NAALADL2: variants seen among roughly 807,000 people sequenced by gnomAD.
NAALADL2 encodes the protein inactive N-acetylated-alpha-linked acidic dipeptidase-like protein 2.
In NAALADL2, 76 loss-of-function variants were observed where a neutral mutation model predicts 87.2. That is an observed-to-expected ratio of 0.87 (90% CI 0.72 to 1.05). The LOEUF is 1.05. Ranked by LOEUF, NAALADL2 falls within the 50% of genes least tolerant of loss-of-function variation. The pLI is 0.00. For synonymous variants in NAALADL2, 354 were observed against 331.0 expected, an observed-to-expected ratio of 1.07 and a Z score of -0.75; for missense variants, 1,089 against 945.8, an observed-to-expected ratio of 1.15 and a Z score of -1.99.
At chr3:174,769,453 TTAAG>T (rs1243463860) in intron 3 of NAALADL2, among the ~76,000 whole-genome samples, 1 of 151,996 alleles carries the variant, frequency 6.6e-6, no homozygotes, top group Non-Finnish European at 1.5e-5. Context: ...AAATATGTAT[TTAAG>T]TAATTATTAG....
intron 4 of NAALADL2, among the ~76,000 whole-genome samples, chr3:175,319,799 G>A (rs547938403): frequency 5.9e-5 from 9 of 152,252 alleles, no homozygotes; most frequent in East Asian, 3.9e-4. Context: ...CAGCCTGGGC[G>A]ACAGAGCGAG....
chr3:174,517,135 G>A lies in NAALADL2; in HGVS notation c.-183-33434G>A, dbSNP rs73882411. ...GGTTGTGATGTGAAGATTATTTTTT[G>A]TTTTATTTTCTATAAGAGAAAATTA... On this transcript the variant is annotated intron_variant, in intron 1 of 3. Coordinates refer to the NAALADL2 transcript ENST00000434257. Among the ~76,000 whole-genome samples the A allele has an allele frequency of 8.5e-3, 1,287 of 151,850 alleles. 19 individuals carry two copies. The highest frequency in any genetic ancestry group is 0.03 in the African/African-American group (1,237 of 41,484).
chr3:175,133,546 C>G (rs541358516), intron 2 of NAALADL2, among the ~76,000 whole-genome samples: 2 of 152,306 alleles, frequency 1.3e-5, no homozygotes, highest in East Asian at 3.9e-4. Context: ...ACAGCGAAAC[C>G]CCGTCTCCAC....
intron 2 of NAALADL2, among the ~76,000 whole-genome samples, chr3:175,214,263 C>T (rs1226441050): frequency 6.6e-6 from 1 of 152,072 alleles, no homozygotes; most frequent in Non-Finnish European, 1.5e-5. Flanking sequence ...AAAATTGACA[C>T]ACTTCTTGGA....
intron 11 of NAALADL2, among the ~76,000 whole-genome samples, chr3:175,697,249 G>A (rs778761234): frequency 4.6e-5 from 7 of 152,068 alleles, no homozygotes; most frequent in South Asian, 2.1e-4. Flanking sequence ...TATAGGAGCA[G>A]TAGAATACTA....
chr3:174,462,028 A>G (rs1269333544), intron 1 of NAALADL2, among the ~76,000 whole-genome samples: 1 of 152,038 alleles, frequency 6.6e-6, no homozygotes, highest in African/African-American at 2.4e-5. Flanking sequence ...TTGTCTTATA[A>G]TAAGATGATT....
At chr3:174,636,377 G>T (rs761386973) in intron 2 of NAALADL2, among the ~76,000 whole-genome samples, 3 of 152,108 alleles carry the variant, frequency 2.0e-5, no homozygotes, top group Non-Finnish European at 4.4e-5. Flanking sequence ...CACAGTGAAA[G>T]AAACAATCTA....
chr3:175,025,876 C>T (rs1752155952), intron 1 of NAALADL2, among the ~76,000 whole-genome samples: 1 of 152,136 alleles, frequency 6.6e-6, no homozygotes, highest in Non-Finnish European at 1.5e-5. Flanking sequence ...GTGGCGTGAT[C>T]TTAGCTCACT....
intron 11 of NAALADL2, among the ~76,000 whole-genome samples, chr3:175,670,406 A>T (rs988525379): frequency 2.1e-5 from 3 of 146,314 alleles, no homozygotes; most frequent in East Asian, 3.9e-4. Flanking sequence ...TATTAAATTT[A>T]CATTAAATGT....
At chr3:175,680,841 A>G (rs1274380033) in intron 11 of NAALADL2, among the ~76,000 whole-genome samples, 1 of 152,196 alleles carries the variant, frequency 6.6e-6, no homozygotes, top group Non-Finnish European at 1.5e-5. Flanking sequence ...AAGGCCGGGC[A>G]CAGTAGCTCA....
intron 5 of NAALADL2, among the ~76,000 whole-genome samples, chr3:175,350,584 G>A (rs1397781037): frequency 6.6e-6 from 1 of 152,102 alleles, no homozygotes. Context: ...TTTGTGTATT[G>A]TACCCACATT....
At chr3:174,460,923 G>T (rs922619692) in intron 1 of NAALADL2, among the ~76,000 whole-genome samples, 1 of 151,744 alleles carries the variant, frequency 6.6e-6, no homozygotes, top group South Asian at 2.1e-4. Flanking sequence ...CTAATTCCTG[G>T]AATTTTTCCC....
chr3:175,255,394 G>A (rs897788682), intron 3 of NAALADL2, among the ~76,000 whole-genome samples: 1 of 152,136 alleles, frequency 6.6e-6, no homozygotes, highest in Non-Finnish European at 1.5e-5. Context: ...AGTTTCAATC[G>A]AGAAGGATGG....
chr3:175,408,844 A>T (rs902639858), intron 5 of NAALADL2, among the ~76,000 whole-genome samples: 9 of 152,128 alleles, frequency 5.9e-5, no homozygotes, highest in African/African-American at 2.2e-4. Context: ...ACATGCTGGA[A>T]TAGGTAGTCA....
At chr3:175,480,601 G>A (rs1375898562) in intron 9 of NAALADL2, among the ~76,000 whole-genome samples, 1 of 151,772 alleles carries the variant, frequency 6.6e-6, no homozygotes, top group Non-Finnish European at 1.5e-5. Context: ...CTAAATGAAA[G>A]GTATTAATTT....
At chr3:175,615,723 G>T (rs58348797) in intron 10 of NAALADL2, among the ~76,000 whole-genome samples, 23,724 of 151,540 alleles carry the variant, frequency 0.16, 2,017 homozygotes, top group Middle Eastern at 0.18. Context: ...CCAGGCGTGT[G>T]GCACGCACCT....
chr3:174,570,011 C>T (rs1197872380), intron 2 of NAALADL2, among the ~76,000 whole-genome samples: 2 of 152,128 alleles, frequency 1.3e-5, no homozygotes, highest in Non-Finnish European at 2.9e-5. Flanking sequence ...CTAGTGCTAT[C>T]TCTTTTTCTT....
intron 1 of NAALADL2, among the ~76,000 whole-genome samples, chr3:174,924,231 G>A (rs1343821699): frequency 2.7e-5 from 3 of 110,736 alleles, no homozygotes; most frequent in Admixed American, 2.7e-4. Context: ...CCCACAACAG[G>A]CCCCGGTGCG....
chr3:175,018,781 A>C (rs565507782), intron 1 of NAALADL2, among the ~76,000 whole-genome samples: 4 of 152,200 alleles, frequency 2.6e-5, no homozygotes, highest in African/African-American at 9.6e-5. Flanking sequence ...GCAAAAGAGC[A>C]TGCAAAGTTT....
Sources: gnomAD v4.1 joint callset for allele counts (sites outside exome capture counted in the v4.1 genomes callset) on GRCh38, gnomAD v4.1.1 for gene constraint, MANE v1.5 for transcripts, NCBI Gene and HGNC (gene_info 2026-07-23, HGNC 2026-07-21) for gene names.